Variants in CNTNAP2 observed in about 807,000 individuals in gnomAD.
CNTNAP2 encodes the protein contactin-associated protein-like 2.
CNTNAP2 carries 98 observed loss-of-function variants against 155.2 expected under a neutral mutation model. The observed-to-expected ratio is 0.63, with a 90% CI of 0.54 to 0.75. CNTNAP2 has a LOEUF of 0.75. Among genes scored for constraint, CNTNAP2 ranks in the 30% least tolerant of loss-of-function variants. The pLI is 0.00. For missense variants in CNTNAP2, 1,727 were observed against 1,688.1 expected, an observed-to-expected ratio of 1.02 and a Z score of -0.40; for synonymous variants, 651 against 631.2, an observed-to-expected ratio of 1.03 and a Z score of -0.47.
At chr7:146,868,827 G>T (rs990063679) in intron 3 of CNTNAP2, among the ~76,000 whole-genome samples, 5 of 151,982 alleles carry the variant, frequency 3.3e-5, no homozygotes, top group Admixed American at 6.6e-5. Context: ...AGCTGTTGTT[G>T]GTACCCAGAA....
At chr7:147,503,684 T>TA (rs35831748) in intron 11 of CNTNAP2, among the ~76,000 whole-genome samples, 1,544 of 140,108 alleles carry the variant, frequency 0.011, 19 homozygotes, top group African/African-American at 0.035. Flanking sequence ...TTCTCTTTTG[T>TA]AAAAAAAAAA....
chr7:147,118,849 CTG>C (rs984392441), intron 5 of CNTNAP2, among the ~76,000 whole-genome samples: 1 of 152,152 alleles, frequency 6.6e-6, no homozygotes, highest in Non-Finnish European at 1.5e-5. Flanking sequence ...TGGTGCATGA[CTG>C]TTTGTGGAAA....
intron 1 of CNTNAP2, among the ~76,000 whole-genome samples, chr7:146,759,268 A>G (rs188442137): frequency 6.6e-6 from 1 of 152,326 alleles, no homozygotes; most frequent in Admixed American, 6.5e-5. Flanking sequence ...GGTGAAATAC[A>G]GAATTCTTGG....
chr7:147,044,049 C>G lies in CNTNAP2; in HGVS notation c.545C>G (p.Ser182Cys), dbSNP rs1799308531. ...CTCAGAATTGAAGTTTATGGCTGTT[C>G]TTACTGTGAGTATCGTATTGTTTAA... The part of the protein sequence containing the change: ...IGLRIEVYGC[S>C]YWADVINFDG... The change falls in exon 4 of 24, where the codon TCT becomes TGT. Residue 182 changes from serine to cysteine, a missense_variant. Transcript: ENST00000361727. 3.1e-6 allele frequency: 5 copies of G among 1,613,904 alleles called. No homozygotes were observed. The highest frequency in any genetic ancestry group is 1.7e-5 in the Admixed American group (1 of 59,998).
intron 21 of CNTNAP2, among the ~76,000 whole-genome samples, chr7:148,287,787 C>CTTTTTTTTTTT (rs1230237736): frequency 2.5e-4 from 16 of 64,898 alleles, no homozygotes; most frequent in African/African-American, 5.2e-4. Flanking sequence ...TTCTTTCTTT[C>CTTTTTTTTTTT]TTTTTTTCTT....
intron 3 of CNTNAP2, among the ~76,000 whole-genome samples, chr7:147,032,534 G>A (rs772785496): frequency 5.9e-5 from 9 of 152,130 alleles, no homozygotes; most frequent in African/African-American, 2.2e-4. Flanking sequence ...AAGTGAGCCC[G>A]GATCCCTGAA....
intron 3 of CNTNAP2, among the ~76,000 whole-genome samples, chr7:147,019,580 TC>T (rs1374314388): frequency 6.6e-6 from 1 of 152,092 alleles, no homozygotes; most frequent in Non-Finnish European, 1.5e-5. Context: ...TTCATCAGGA[TC>T]TTGATATTAA....
At chr7:147,047,210 GC>G (rs1799382211) in intron 4 of CNTNAP2, among the ~76,000 whole-genome samples, 1 of 138,562 alleles carries the variant, frequency 7.2e-6, no homozygotes, top group African/African-American at 2.7e-5. Context: ...CCGGGTTCAT[GC>G]CATTGTCCTG....
intron 1 of CNTNAP2, among the ~76,000 whole-genome samples, chr7:146,701,306 C>A (rs1291044208): frequency 6.6e-6 from 1 of 152,102 alleles, no homozygotes; most frequent in Non-Finnish European, 1.5e-5. Flanking sequence ...GAAACCCTTC[C>A]CGAGAGTCTT....
intron 1 of CNTNAP2, among the ~76,000 whole-genome samples, chr7:146,134,822 A>G (rs1420608143): frequency 2.0e-5 from 3 of 151,726 alleles, no homozygotes; most frequent in Non-Finnish European, 4.4e-5. Context: ...CCAGTATTTT[A>G]TTGAGGATTT....
intron 1 of CNTNAP2, among the ~76,000 whole-genome samples, chr7:146,731,948 T>A (rs1292886429): frequency 6.6e-6 from 1 of 152,062 alleles, no homozygotes; most frequent in African/African-American, 2.4e-5. Flanking sequence ...TATATATATA[T>A]AAAAGCATCC....
At chr7:146,553,917 A>AT (rs1436587901) in intron 1 of CNTNAP2, among the ~76,000 whole-genome samples, 6 of 151,926 alleles carry the variant, frequency 3.9e-5, no homozygotes, top group African/African-American at 7.3e-5. Flanking sequence ...AAATGATGTG[A>AT]TTTTTTCTTT....
chr7:148,171,984 T>C (rs971487126), intron 17 of CNTNAP2, among the ~76,000 whole-genome samples: 34 of 152,362 alleles, frequency 2.2e-4, no homozygotes, highest in African/African-American at 7.9e-4. Context: ...AAACAGCTGA[T>C]ATAATTTTTG....
chr7:147,372,620 T>C (rs1796365860), intron 9 of CNTNAP2, among the ~76,000 whole-genome samples: 1 of 152,168 alleles, frequency 6.6e-6, no homozygotes, highest in Admixed American at 6.5e-5. Flanking sequence ...ATAACCATTA[T>C]AACATTTATT....
chr7:147,047,394 A>G (rs1799386956), intron 4 of CNTNAP2, among the ~76,000 whole-genome samples: 2 of 151,646 alleles, frequency 1.3e-5, no homozygotes, highest in Admixed American at 1.3e-4. Flanking sequence ...GATTTTTGAA[A>G]GAGGTTATGC....
In CNTNAP2 at chr7:147,234,338, T is replaced by G. The variant is rs568820070; in HGVS notation, c.1349-65803T>G. Reference sequence around the variant, plus strand: ...ACCAGTTGTCCCAAGAGTATTCTTTTTTTTTTTTTTTTTTTTTGAGAAGAA... The same window carrying G: ...ACCAGTTGTCCCAAGAGTATTCTTTGTTTTTTTTTTTTTTTTTGAGAAGAA... On this transcript the variant is annotated intron_variant, in intron 8 of 23. Transcript: ENST00000361727. 2.8e-4 allele frequency among the ~76,000 whole-genome samples: 40 copies of G among 143,124 alleles called. No homozygotes were observed. The South Asian group carries it at 8.5e-3, about 30-fold the overall frequency. 93.9% of individuals were successfully genotyped at this position (143,124 alleles called of 152,430 possible).
rs1803151970 is a variant in CNTNAP2 at position 148,061,954 on chromosome 7, TA to T, written c.2384-56163del. Among the ~76,000 whole-genome samples the T allele has an allele frequency of 6.3e-5, 6 of 95,968 alleles. 1 individual carries two copies. The highest frequency in any genetic ancestry group is 2.1e-4 in the African/African-American group (5 of 24,172). 63.0% of individuals were successfully genotyped at this position (95,968 alleles called of 152,430 possible). On this transcript the variant is annotated intron_variant, in intron 15 of 23. Transcript: ENST00000361727. ...ATAGATAGATAGATAGATAAACAGA[TA>T]TAGATAGATAGATAGATAGATAGAT...
intron 10 of CNTNAP2, among the ~76,000 whole-genome samples, chr7:147,444,658 A>C (rs1269347693): frequency 2.0e-5 from 3 of 152,076 alleles, no homozygotes; most frequent in African/African-American, 4.8e-5. Flanking sequence ...GATTATTGAC[A>C]ATAAATATGT....
intron 3 of CNTNAP2, among the ~76,000 whole-genome samples, chr7:146,924,469 C>T: frequency 6.6e-6 from 1 of 152,022 alleles, no homozygotes; most frequent in East Asian, 1.9e-4. Flanking sequence ...TTATAATGTT[C>T]ATAACAGTTA....
Sources: gnomAD v4.1 joint callset for allele counts (sites outside exome capture counted in the v4.1 genomes callset) on GRCh38, gnomAD v4.1.1 for gene constraint, MANE v1.5 for transcripts, NCBI Gene and HGNC (gene_info 2026-07-23, HGNC 2026-07-21) for gene names.